Variants in PCCB observed in about 807,000 individuals in gnomAD.
PCCB encodes propionyl-CoA carboxylase beta chain, mitochondrial.
Under a neutral mutation model 60.7 loss-of-function variants are expected in PCCB, and 43 were observed. That is an observed-to-expected ratio of 0.71 (90% confidence interval 0.55 to 0.91). The LOEUF (loss-of-function observed/expected upper bound fraction) is 0.91. PCCB is among the 40% of genes least tolerant of loss of function. The pLI is 0.00. For missense variants in PCCB, 766 were observed against 702.8 expected, an observed-to-expected ratio of 1.09 and a Z score of -1.02; for synonymous variants, 276 against 255.9, an observed-to-expected ratio of 1.08 and a Z score of -0.75.
At position 136,274,093 on chromosome 3, in the gene PCCB, C is replaced by T. The variant is rs140491729; in HGVS notation, c.544-9744C>T. ...TTTTTTAAAAATCCATTCTGCCATT[C>T]TGTATCTAAGTGGATCATTTAGGCC... is the stretch of plus-strand genomic sequence containing the variant. On this transcript the variant is annotated intron_variant, in intron 5 of 14. Transcript: ENST00000251654. 1.8e-4 allele frequency among the ~76,000 whole-genome samples: 28 copies of T among 151,834 alleles called. No homozygotes were observed. In the East Asian group the frequency reaches 4.5e-3, roughly 24 times the overall value.
chr3:136,328,811 A>G lies in PCCB; in HGVS notation c.1452A>G (p.Ala484=), dbSNP rs781556055. 30 of 1,614,222 alleles carry G rather than the reference A, an allele frequency of 1.9e-5. No homozygotes were observed. The highest frequency in any genetic ancestry group is 2.2e-5 in the Non-Finnish European group (26 of 1,180,016). Residue 484 remains alanine, a synonymous_variant, in exon 14 of 15, where the codon GCA becomes GCG. Transcript: ENST00000251654. ...ATGAGAATGTGGAAGCTGCTCAGGC[A>G]GAGTACATCGAGAAGTTTGCCAACC... ...KGHENVEAAQ[A]EYIEKFANPF...
At chr3:136,319,935 A>G (rs1935051871) in intron 10 of PCCB, among the ~76,000 whole-genome samples, 1 of 152,170 alleles carries the variant, frequency 6.6e-6, no homozygotes, top group Non-Finnish European at 1.5e-5. Context: ...CAGTTATTCC[A>G]GCACCGTTTG....
intron 3 of PCCB, 67 bp from the exon 4 acceptor site, chr3:136,260,412 C>A: frequency 7.6e-7 from 1 of 1,307,418 alleles, no homozygotes; most frequent in Non-Finnish European, 1.1e-6. Flanking sequence ...CTATTTCTTC[C>A]TCCCACTGGG....
intron 9 of PCCB, among the ~76,000 whole-genome samples, chr3:136,306,548 T>C (rs1232736279): frequency 8.2e-6 from 1 of 122,412 alleles, no homozygotes; most frequent in African/African-American, 2.5e-5. Context: ...CAAAAAAGTA[T>C]GTGAGGTGGT....
intron 7 of PCCB, among the ~76,000 whole-genome samples, chr3:136,294,188 T>C (rs994109694): frequency 1.3e-5 from 2 of 150,428 alleles, no homozygotes; most frequent in Admixed American, 6.6e-5. Flanking sequence ...AAAAAAAATT[T>C]TATCTTATTG....
Position 136,315,438 on chromosome 3 carries a change from A to C in PCCB, c.967-1503A>C, listed in dbSNP as rs116822870. Among the ~76,000 whole-genome samples, 1,332 of 152,244 alleles carry C rather than the reference A, an allele frequency of 8.7e-3. 10 individuals carry two copies. The highest frequency in any genetic ancestry group is 0.02 in the Middle Eastern group (6 of 294). ...CCCAGCTACTCGGGAGGCTTAGGAG[A>C]ATTGCTTGAACCCAGGGGGCGGAGA... On this transcript the variant is annotated intron_variant, in intron 9 of 14. Coordinates refer to ENST00000251654, the MANE Select transcript of PCCB (RefSeq NM_000532.5).
chr3:136,327,310 G>T, intron 12 of PCCB, 55 bp downstream of exon 12: 2 of 1,350,640 alleles, frequency 1.5e-6, no homozygotes, highest in East Asian at 2.3e-5. Flanking sequence ...CAGCATAGCC[G>T]TGGTGGGAGG....
At chr3:136,316,585 A>G (rs557283516) in intron 9 of PCCB, among the ~76,000 whole-genome samples, 14 of 152,144 alleles carry the variant, frequency 9.2e-5, no homozygotes, top group Non-Finnish European at 1.8e-4. Context: ...CAAAGTGCTA[A>G]GATTACAGGA....
At chr3:136,280,796 T>C (rs892770211) in intron 5 of PCCB, among the ~76,000 whole-genome samples, 1 of 152,162 alleles carries the variant, frequency 6.6e-6, no homozygotes, top group African/African-American at 2.4e-5. Context: ...GAGTAGCTAG[T>C]AGAACACCAC....
intron 9 of PCCB, among the ~76,000 whole-genome samples, chr3:136,309,882 C>T (rs1383411811): frequency 1.3e-5 from 2 of 151,908 alleles, no homozygotes; most frequent in African/African-American, 2.4e-5. Context: ...TTGATCCCAT[C>T]AGAGATAGGA....
At position 136,250,521 on chromosome 3, in the gene PCCB, G is replaced by T. The variant is rs775738106; in HGVS notation, c.146G>T (p.Gly49Val). Residue 49 changes from glycine (G) to valine (V), a missense_variant, in exon 1 of 15, where the codon GGA (glycine) becomes GTA (valine). Gly to Val is a moderately radical substitution (Grantham distance 109). Transcript: ENST00000251654. ...AACAAGCGCCGGACCGCGCTGCTGG[G>T]AGGGGGCCAACGCCGTATTGACGCG... Reference protein sequence around the residue: ...IENKRRTALLGGGQRRIDAQH... With the variant: ...IENKRRTALLVGGQRRIDAQH... 2 of 1,613,088 alleles carry T rather than the reference G, an allele frequency of 1.2e-6. No homozygotes were observed. The highest frequency in any genetic ancestry group is 1.7e-6 in the Non-Finnish European group (2 of 1,179,808).
rs9833162 is a variant in PCCB, at chr3:136,316,895, A to G, written c.967-46A>G. The G allele has an allele frequency of 0.33, 528,557 of 1,602,770 alleles. 92,217 individuals are homozygous for G. The highest frequency in any genetic ancestry group is 0.51 in the African/African-American group (38,310 of 74,640). On this transcript the variant is annotated intron_variant, in intron 9 of 14. Coordinates refer to ENST00000251654, the MANE Select transcript of PCCB (RefSeq NM_000532.5). ...ATTCTGTAGTGTCATTACATCTTAT[A>G]CTTGTCTTTACCATTTTGAGCTCAG...
chr3:136,273,186 A>G (rs1195288462), intron 5 of PCCB, among the ~76,000 whole-genome samples: 3 of 152,156 alleles, frequency 2.0e-5, no homozygotes, highest in Non-Finnish European at 4.4e-5. Context: ...GATACTTGAT[A>G]TGATTTCAAT....
chr3:136,292,102 C>A (rs537060079), intron 6 of PCCB, among the ~76,000 whole-genome samples: 2 of 152,188 alleles, frequency 1.3e-5, no homozygotes, highest in African/African-American at 4.8e-5. Flanking sequence ...GCAAAGACCT[C>A]ACCTCTTTGA....
At chr3:136,250,620 C>A in intron 1 of PCCB, 62 bp downstream of exon 1, 2 of 1,513,260 alleles carry the variant, frequency 1.3e-6, no homozygotes, top group East Asian at 4.8e-5. Context: ...CACTGCGTGC[C>A]CGGCTTGCGG....
intron 7 of PCCB, among the ~76,000 whole-genome samples, chr3:136,294,869 C>T (rs906970518): frequency 4.1e-5 from 6 of 146,648 alleles, no homozygotes; most frequent in East Asian, 2.1e-4. Flanking sequence ...CCTCCCACTT[C>T]GACCTCCCAA....
In PCCB at chr3:136,262,005, TG is replaced by T. The variant is rs1553774884; in HGVS notation, c.488del (p.Gly163GlufsTer19). On this transcript the variant is annotated frameshift_variant, in exon 5 of 15. Transcript: ENST00000251654. LOFTEE classifies it high-confidence loss of function. ...CTCCAGTGATTGGGCTGAATGACTC[TG>T]GGGGAGCACGGATCCAAGAAGGAGT... Reference protein sequence around the residue: ...GAPVIGLNDSGGARIQEGVES... With the variant: ...GAPVIGLNDSXGARIQEGVES... The T allele has an allele frequency of 1.3e-6, 2 of 1,562,540 alleles. No homozygotes were observed. Among genetic ancestry groups the T allele is most frequent in the Non-Finnish European group, 1.7e-6 (2 of 1,152,176 alleles).
At chr3:136,264,187 T>C (rs985986168) in intron 5 of PCCB, among the ~76,000 whole-genome samples, 15 of 152,092 alleles carry the variant, frequency 9.9e-5, no homozygotes, top group Non-Finnish European at 2.9e-5. Flanking sequence ...TGAGAATAAA[T>C]TGGAGATACT....
chr3:136,269,993 G>GT (rs1295104465), intron 5 of PCCB, among the ~76,000 whole-genome samples: 3,381 of 127,274 alleles, frequency 0.027, 113 homozygotes, highest in African/African-American at 0.078. Flanking sequence ...ACTGGTGTGT[G>GT]TTTTTTTTTT....
Sources: gnomAD v4.1 joint callset for allele counts (sites outside exome capture counted in the v4.1 genomes callset) on GRCh38, gnomAD v4.1.1 for gene constraint, MANE v1.5 for transcripts, NCBI Gene and HGNC (gene_info 2026-07-23, HGNC 2026-07-21) for gene names.